Variants in HEATR4 observed in about 807,000 individuals in gnomAD.
HEATR4 encodes HEAT repeat containing 4.
A neutral mutation model predicts 108.8 loss-of-function variants in HEATR4; 95 were observed. The observed-to-expected ratio is 0.87, with a 90% CI of 0.74 to 1.04. HEATR4 has a LOEUF of 1.04. HEATR4 is among the 50% of genes least tolerant of loss of function. HEATR4 has a pLI of 0.00. For missense variants in HEATR4, 1,152 were observed against 1,253.8 expected (o/e 0.92, Z 1.23); for synonymous variants, 443 against 459.4 (o/e 0.96, Z 0.46).
Position 73,492,247 on chromosome 14 carries a change from G to C in HEATR4, c.2844+819C>G. On this transcript the variant is annotated intron_variant, in intron 17 of 17. Coordinates refer to ENST00000553558, the MANE Select transcript of HEATR4 (RefSeq NM_001220484.1). This position sits in a 1 kb window ranked among gnomAD's most constrained non-coding sequence, Gnocchi z 4.9. ...GCTTCATTCACCAAGCTGAATGCCA[G>C]GATGGAGTCCACTCTCTGCACCTCA... 1.9e-6 allele frequency: 3 copies of C among 1,614,062 alleles called. No individual in the cohort carries two copies. The highest frequency in any genetic ancestry group is 2.5e-6 in the Non-Finnish European group (3 of 1,179,896).
intron 11 of HEATR4, 54 bp downstream of exon 11, chr14:73,502,841 C>G: frequency 7.0e-7 from 1 of 1,432,518 alleles, no homozygotes; most frequent in Admixed American, 1.7e-5. Flanking sequence ...AGCCTGCCTC[C>G]TAAACACTTC....
the HEATR4 span, among the ~76,000 whole-genome samples, chr14:73,632,862 A>G: frequency 4.7e-5 from 7 of 149,722 alleles, no homozygotes; most frequent in Non-Finnish European, 1.0e-4. Context: ...AAAAAAAAGA[A>G]GAAGAAGAAA....
At chr14:73,609,704 G>A in the HEATR4 span, among the ~76,000 whole-genome samples, 2 of 151,952 alleles carry the variant, frequency 1.3e-5, no homozygotes, top group Non-Finnish European at 2.9e-5. Flanking sequence ...GCAGTGGTGC[G>A]ATCTCGGCTC....
At chr14:73,593,916 G>A in the HEATR4 span, 1 of 1,600,554 alleles carries the variant, frequency 6.2e-7, no homozygotes, top group South Asian at 1.1e-5. Context: ...TTCTCCTCAT[G>A]TCCTTTATTT....
the HEATR4 span, among the ~76,000 whole-genome samples, chr14:73,568,581 C>A: frequency 2.0e-5 from 3 of 151,980 alleles, no homozygotes; most frequent in South Asian, 6.2e-4. Context: ...AAAAAAGTAA[C>A]CCTTGCCTGA....
At chr14:73,566,884 A>T in the HEATR4 span, among the ~76,000 whole-genome samples, 2 of 152,164 alleles carry the variant, frequency 1.3e-5, no homozygotes, top group African/African-American at 4.8e-5. Flanking sequence ...ACCTCTCACA[A>T]GCTCCACCTC....
chr14:73,485,371 C>T, intron 17 of HEATR4, among the ~76,000 whole-genome samples: 1 of 150,558 alleles, frequency 6.6e-6, no homozygotes, highest in South Asian at 2.1e-4. Flanking sequence ...CAACAACCAT[C>T]TATGTGTAAA....
chr14:73,627,706 C>A, the HEATR4 span, among the ~76,000 whole-genome samples: 1 of 152,184 alleles, frequency 6.6e-6, no homozygotes, highest in African/African-American at 2.4e-5. Context: ...ATGGAAGCCT[C>A]ATCATCTAGG....
the HEATR4 span, chr14:73,620,002 C>T: frequency 3.2e-5 from 24 of 754,604 alleles, no homozygotes; most frequent in South Asian, 5.1e-4. Flanking sequence ...ACCTCTGCCT[C>T]CCAGGTCCAA....
chr14:73,587,198 G>A, the HEATR4 span, among the ~76,000 whole-genome samples: 1 of 151,842 alleles, frequency 6.6e-6, no homozygotes, highest in Non-Finnish European at 1.5e-5. Flanking sequence ...AGTCATTCTT[G>A]GGCATTTTTT....
rs561395469 is a variant in HEATR4 at position 73,522,912 on chromosome 14, G to A, written c.241C>T (p.Arg81Ter). ...CTATAAGGAATGCTGGGCAGGCCTC[G>A]CTGCCACACCACCTCCTGAGAGAAG... is the stretch of plus-strand genomic sequence containing the variant. ...LTFSQEVVWQ[R>*]GLPSIPYSQY... The change falls in exon 3 of 18, where the codon CGA becomes TGA. Residue 81 changes from arginine to a stop codon, truncating the protein, a stop_gained. Transcript: ENST00000553558. LOFTEE classifies it high-confidence loss of function. 18 of 1,614,112 alleles carry A rather than the reference G, an allele frequency of 1.1e-5. No homozygotes were observed. Among genetic ancestry groups the A allele is most frequent in the East Asian group, 1.1e-4 (5 of 44,884 alleles).
chr14:73,615,086 C>T, the HEATR4 span, among the ~76,000 whole-genome samples: 2 of 94,850 alleles, frequency 2.1e-5, no homozygotes, highest in Non-Finnish European at 4.0e-5. Context: ...AAGACTCCAT[C>T]TCAAAAAAAA....
rs1377351237 is a variant in HEATR4, at chr14:73,538,752, C to T, written c.-151-8508G>A. On this transcript the variant is annotated intron_variant, in intron 1 of 17. Transcript: ENST00000553558. Reference sequence around the variant, plus strand: ...TAGCACTTTGGGAGGCCGAGGCAGGCGGATCAAGAGTTCGAGACCAGCCTG... The same window carrying T: ...TAGCACTTTGGGAGGCCGAGGCAGGTGGATCAAGAGTTCGAGACCAGCCTG... Among the ~76,000 whole-genome samples the T allele has an allele frequency of 4.4e-5, 5 of 113,392 alleles. 2 individuals are homozygous for T. Among genetic ancestry groups the T allele is most frequent in the Non-Finnish European group, 9.6e-5 (5 of 52,216 alleles). 74.4% of individuals were successfully genotyped at this position (113,392 alleles called of 152,430 possible). A position where few individuals can be genotyped will look rare whatever the true frequency, so the allele number is the denominator to read the frequency against.
the HEATR4 span, among the ~76,000 whole-genome samples, chr14:73,610,017 C>T: frequency 2.0e-5 from 3 of 151,954 alleles, no homozygotes; most frequent in South Asian, 4.2e-4. Context: ...ACTGCCAACA[C>T]CTCCTGGTGT....
At chr14:73,566,710 C>T in the HEATR4 span, among the ~76,000 whole-genome samples, 1 of 152,128 alleles carries the variant, frequency 6.6e-6, no homozygotes, top group African/African-American at 2.4e-5. Context: ...CCCACTTGCG[C>T]CTCTCCCTCC....
chr14:73,570,025 C>T, the HEATR4 span: 4 of 1,319,462 alleles, frequency 3.0e-6, no homozygotes, highest in Admixed American at 5.7e-5. Flanking sequence ...AATTCCTGGT[C>T]TCCAGCTATC....
At chr14:73,569,569 C>A in the HEATR4 span, 102 of 1,599,808 alleles carry the variant, frequency 6.4e-5, 2 homozygotes, top group South Asian at 9.4e-4. Flanking sequence ...CTTTTCCAGG[C>A]CCACGCGCGC....
intron 10 of HEATR4, among the ~76,000 whole-genome samples, chr14:73,503,953 G>C (rs1339647878): frequency 6.6e-6 from 1 of 152,146 alleles, no homozygotes; most frequent in South Asian, 2.1e-4. Flanking sequence ...TTTACTTTCA[G>C]TTGTCAATTC....
At chr14:73,522,164 AGTT>A (rs1888012646) in intron 3 of HEATR4, 105 bp downstream of exon 3, 1 of 1,147,922 alleles carries the variant, frequency 8.7e-7, no homozygotes, top group Non-Finnish European at 1.3e-6. Flanking sequence ...GAGAACATGA[AGTT>A]GATGGGAGAG....
Sources: allele counts gnomAD v4.1 joint callset (sites outside exome capture counted in the v4.1 genomes callset), GRCh38; gene constraint gnomAD v4.1.1; non-coding constraint Gnocchi (gnomAD v3.1); transcripts MANE v1.5; gene names NCBI Gene and HGNC (gene_info 2026-07-23, HGNC 2026-07-21).